Variants in DPF3 observed in about 807,000 individuals in gnomAD.
The protein encoded by DPF3 is zinc finger protein DPF3.
In DPF3, 18 loss-of-function variants were observed where a neutral mutation model predicts 56.8. The ratio of observed to expected loss-of-function variants is 0.32; its 90% CI spans 0.22 to 0.47. DPF3 has a LOEUF of 0.47. DPF3 is among the 20% of genes least tolerant of loss of function. DPF3 has a pLI of 1.00. For synonymous variants in DPF3, 188 were observed against 180.2 expected, an observed-to-expected ratio of 1.04 and a Z score of -0.35; for missense variants, 403 against 488.8, an observed-to-expected ratio of 0.82 and a Z score of 1.65.
At position 72,629,681 on chromosome 14, in the gene DPF3, G is replaced by A; in HGVS notation, c.927C>T (p.Tyr309=). 1.3e-6 allele frequency: 2 copies of A among 1,536,128 alleles called. No individual in the cohort carries two copies. The highest frequency in any genetic ancestry group is 8.7e-7 in the Non-Finnish European group (1 of 1,146,894). Residue 309 remains tyrosine, a synonymous_variant, in exon 9 of 11, where the codon TAC becomes TAT. Coordinates refer to ENST00000556509, the MANE Select transcript of DPF3 (RefSeq NM_001280542.3). Reference sequence around the variant, plus strand: ...ATTTGCACTCTATGCACTGCCACTTGTAGGTCTTGACAGCCTCGGTCATGT... The same window carrying A: ...ATTTGCACTCTATGCACTGCCACTTATAGGTCTTGACAGCCTCGGTCATGT... The part of the protein sequence containing the change: ...TLNMTEAVKT[Y]KWQCIECKSC...
intron 8 of DPF3, among the ~76,000 whole-genome samples, chr14:72,640,044 A>G (rs1394052712): frequency 1.2e-5 from 1 of 80,282 alleles, no homozygotes; most frequent in East Asian, 3.8e-4. Context: ...GAGTTTTCTA[A>G]GTAAAAAAAA....
chr14:72,691,503 C>T (rs556591912), intron 7 of DPF3, among the ~76,000 whole-genome samples: 14 of 152,128 alleles, frequency 9.2e-5, no homozygotes, highest in South Asian at 2.1e-4. Context: ...CCAAGGCAGG[C>T]GGATCACGAG....
At chr14:72,699,757 G>A (rs1004191973) in intron 6 of DPF3, among the ~76,000 whole-genome samples, 3 of 152,168 alleles carry the variant, frequency 2.0e-5, no homozygotes, top group South Asian at 2.1e-4. Context: ...ATTCTGCACC[G>A]AGGCAGAGCC....
intron 3 of DPF3, among the ~76,000 whole-genome samples, chr14:72,737,663 G>A (rs1436162750): frequency 6.6e-6 from 1 of 152,214 alleles, no homozygotes; most frequent in African/African-American, 2.4e-5. Context: ...GGAGCTGTCT[G>A]TTAGCTGTCG....
intron 6 of DPF3, among the ~76,000 whole-genome samples, chr14:72,710,871 T>C (rs944052457): frequency 1.3e-5 from 2 of 152,218 alleles, no homozygotes; most frequent in African/African-American, 4.8e-5. Context: ...AAACAAAGTA[T>C]TCATACATCC....
chr14:72,664,094 T>C (rs1051449540), intron 8 of DPF3, among the ~76,000 whole-genome samples: 5 of 152,104 alleles, frequency 3.3e-5, no homozygotes, highest in African/African-American at 9.7e-5. Context: ...CACCTGCCTC[T>C]AGCTCCTTCC....
rs1042304027 is a variant in DPF3, at chr14:72,719,850, G to T, written c.525+3783C>A. ...ATACAATTTGCCCACCATCACAGAGGTTACATAATTCATCCAACGTGTAGT... is the reference window on the plus strand; with the variant it reads ...ATACAATTTGCCCACCATCACAGAGTTTACATAATTCATCCAACGTGTAGT... On this transcript the variant is annotated intron_variant, in intron 5 of 10. Coordinates refer to ENST00000556509, the MANE Select transcript of DPF3 (RefSeq NM_001280542.3). Among the ~76,000 whole-genome samples the T allele has an allele frequency of 3.9e-5, 6 of 152,126 alleles. 1 individual carries two copies. Among genetic ancestry groups the T allele is most frequent in the Middle Eastern group, 6.3e-3 (2 of 316 alleles).
chr14:72,786,249 C>T (rs201238449), intron 1 of DPF3, among the ~76,000 whole-genome samples: 3 of 150,202 alleles, frequency 2.0e-5, no homozygotes, highest in African/African-American at 7.3e-5. Context: ...GGCAACAGAG[C>T]GAGACTCCAC....
At chr14:72,720,416 G>A (rs1370209942) in intron 5 of DPF3, among the ~76,000 whole-genome samples, 1 of 152,196 alleles carries the variant, frequency 6.6e-6, no homozygotes, top group Non-Finnish European at 1.5e-5. Flanking sequence ...CCCAGCACAG[G>A]AGGCTTGCCC....
At chr14:72,627,019 C>T (rs1343093426) in intron 9 of DPF3, among the ~76,000 whole-genome samples, 2 of 151,302 alleles carry the variant, frequency 1.3e-5, no homozygotes, top group African/African-American at 4.9e-5. Context: ...GTTTCTGGTC[C>T]TTTGTCCTCA....
chr14:72,700,493 C>T (rs935755329), intron 6 of DPF3, among the ~76,000 whole-genome samples: 1 of 152,168 alleles, frequency 6.6e-6, no homozygotes, highest in African/African-American at 2.4e-5. Flanking sequence ...TGAGAGCTGC[C>T]AAGGTGAACC....
intron 9 of DPF3, among the ~76,000 whole-genome samples, chr14:72,621,985 G>T (rs1157930845): frequency 6.6e-6 from 1 of 152,212 alleles, no homozygotes; most frequent in Non-Finnish European, 1.5e-5. Flanking sequence ...CAGGAGAGAA[G>T]TCTGGGCCTG....
Position 72,760,118 on chromosome 14 carries a change from T to A in DPF3, c.194-6747A>T, listed in dbSNP as rs538870011. Among the ~76,000 whole-genome samples the A allele has an allele frequency of 1.2e-4, 18 of 152,312 alleles. No homozygotes were observed. In the Middle Eastern group the frequency reaches 0.01, roughly 86 times the overall value. On this transcript the variant is annotated intron_variant, in intron 2 of 10. Coordinates refer to ENST00000556509, the MANE Select transcript of DPF3 (RefSeq NM_001280542.3). ...AGAAATGGTCTAGTACATGAATAAT[T>A]ATACGAGATGTTTTTCTTATTATTT...
intron 1 of DPF3, among the ~76,000 whole-genome samples, chr14:72,801,373 C>CA (rs1389404373): frequency 6.6e-6 from 1 of 152,208 alleles, no homozygotes; most frequent in Admixed American, 6.5e-5. Flanking sequence ...AAAAACATAG[C>CA]AGCAATAGAG....
chr14:72,829,930 G>C (rs1033428948), intron 1 of DPF3, among the ~76,000 whole-genome samples: 2 of 152,070 alleles, frequency 1.3e-5, no homozygotes, highest in Admixed American at 6.6e-5. Flanking sequence ...TTTTTTAGTA[G>C]AGATGGGGTT....
chr14:72,693,371 C>T (rs1023354886), intron 6 of DPF3, among the ~76,000 whole-genome samples, 158 bp from the exon 7 acceptor site: 1 of 152,180 alleles, frequency 6.6e-6, no homozygotes, highest in African/African-American at 2.4e-5. Flanking sequence ...CCCCACCCAA[C>T]AGAACCAACA....
At chr14:72,856,368 T>C (rs532940933) in intron 1 of DPF3, among the ~76,000 whole-genome samples, 1 of 152,110 alleles carries the variant, frequency 6.6e-6, no homozygotes, top group Non-Finnish European at 1.5e-5. Flanking sequence ...AGCCAGAACA[T>C]TGTCAATTTA....
At chr14:72,660,526 G>C (rs1478067309) in intron 8 of DPF3, among the ~76,000 whole-genome samples, 1 of 152,330 alleles carries the variant, frequency 6.6e-6, no homozygotes, top group Non-Finnish European at 1.5e-5. Flanking sequence ...TACCCCGGGG[G>C]TTCCAGCTGA....
At position 72,616,515 on chromosome 14, in the gene DPF3, C is replaced by T. The variant is rs926843884; in HGVS notation, c.*2782G>A. ...ACATTGGCTAATGCACACAAGAAGG[C>T]GGACATGGAAAACATCCGGAGTTCT... On this transcript the variant is annotated 3_prime_UTR_variant, in exon 11 of 11. Coordinates refer to ENST00000556509, the MANE Select transcript of DPF3 (RefSeq NM_001280542.3). Among the ~76,000 whole-genome samples the T allele has an allele frequency of 8.5e-5, 13 of 152,128 alleles. No individual in the cohort carries two copies. Among genetic ancestry groups the T allele is most frequent in the Non-Finnish European group, 4.4e-5 (3 of 68,034 alleles).
Sources: allele counts gnomAD v4.1 joint callset (sites outside exome capture counted in the v4.1 genomes callset), GRCh38; gene constraint gnomAD v4.1.1; transcripts MANE v1.5; gene names NCBI Gene and HGNC (gene_info 2026-07-23, HGNC 2026-07-21).